The following GSG1L variants were observed in gnomAD, a reference collection of about 807,000 sequenced individuals.
GSG1L encodes the protein germ cell-specific gene 1-like protein.
Under a neutral mutation model 42.1 loss-of-function variants are expected in GSG1L, and 24 were observed. The ratio of observed to expected loss-of-function variants is 0.57; its 90% CI spans 0.41 to 0.80. GSG1L has a LOEUF of 0.80. GSG1L is among the 30% of genes least tolerant of loss of function. The pLI, the probability that GSG1L is intolerant of heterozygous loss-of-function variation, is 0.00. For missense variants in GSG1L, 445 were observed against 472.2 expected, an observed-to-expected ratio of 0.94 and a Z score of 0.53; for synonymous variants, 215 against 203.5, an observed-to-expected ratio of 1.06 and a Z score of -0.48.
Position 28,040,848 on chromosome 16 carries a change from C to T in GSG1L, c.349+22228G>A, listed in dbSNP as rs933449833. Among the ~76,000 whole-genome samples, 3 of 152,214 alleles carry T rather than the reference C, an allele frequency of 2.0e-5. No homozygotes were observed. The highest frequency in any genetic ancestry group is 4.4e-5 in the Non-Finnish European group (3 of 68,032). On this transcript the variant is annotated intron_variant, in intron 1 of 6. Transcript: ENST00000447459. The surrounding 1 kb of genome is among the most constrained non-coding windows in gnomAD (Gnocchi z 4.1). ...TTCAGCCAGACACTCCTTTTCCATCCAGTATCCCCATCCCAGACCATCTCT... is the reference window on the plus strand; with the variant it reads ...TTCAGCCAGACACTCCTTTTCCATCTAGTATCCCCATCCCAGACCATCTCT...
intron 1 of GSG1L, among the ~76,000 whole-genome samples, chr16:28,037,177 C>T (rs1300294234): frequency 7.9e-5 from 12 of 152,162 alleles, no homozygotes; most frequent in Non-Finnish European, 1.8e-4. Context: ...AGGCATGTGC[C>T]GCCATGCCTG....
intron 1 of GSG1L, among the ~76,000 whole-genome samples, chr16:28,014,422 T>G (rs1052332559): frequency 7.2e-5 from 11 of 152,146 alleles, no homozygotes; most frequent in African/African-American, 2.7e-4. Context: ...AGGTATGCGG[T>G]TGATAATAGA....
chr16:27,994,420 T>G (rs1392267973), intron 1 of GSG1L, among the ~76,000 whole-genome samples: 2 of 152,222 alleles, frequency 1.3e-5, no homozygotes, highest in African/African-American at 4.8e-5. Flanking sequence ...AACGTCAGTT[T>G]TCTGCAAGCC....
chr16:27,983,571 T>G, intron 1 of GSG1L, among the ~76,000 whole-genome samples: 1 of 152,176 alleles, frequency 6.6e-6, no homozygotes, highest in East Asian at 1.9e-4. Flanking sequence ...ATGTTTGGTT[T>G]GGTTTAAAGC....
intron 1 of GSG1L, among the ~76,000 whole-genome samples, chr16:28,038,682 G>A (rs1007262378): frequency 1.3e-5 from 2 of 152,210 alleles, no homozygotes; most frequent in African/African-American, 2.4e-5. Flanking sequence ...GCGATACCCA[G>A]AGAGAGCAGA....
intron 1 of GSG1L, among the ~76,000 whole-genome samples, chr16:28,048,358 G>C (rs1401246015): frequency 6.6e-6 from 1 of 152,060 alleles, no homozygotes; most frequent in Non-Finnish European, 1.5e-5. Flanking sequence ...GGCAGAAATT[G>C]CATAGGCTAC....
chr16:27,974,379 G>T (rs552778971), intron 1 of GSG1L, among the ~76,000 whole-genome samples: 1 of 152,308 alleles, frequency 6.6e-6, no homozygotes, highest in East Asian at 1.9e-4. Flanking sequence ...CACCAGCTGT[G>T]GGGAGAGGAA....
intron 1 of GSG1L, among the ~76,000 whole-genome samples, chr16:27,975,558 G>A (rs941356686): frequency 2.6e-5 from 4 of 152,130 alleles, no homozygotes; most frequent in African/African-American, 4.8e-5. Flanking sequence ...CTCTGCTTTC[G>A]GATCTATTTA....
chr16:27,893,937 G>T (rs2084159964), intron 2 of GSG1L, among the ~76,000 whole-genome samples: 2 of 152,228 alleles, frequency 1.3e-5, no homozygotes, highest in African/African-American at 4.8e-5. Flanking sequence ...ATTTTTTCTA[G>T]AGACAAGGTC....
At chr16:27,845,274 T>G (rs1010662516) in intron 3 of GSG1L, among the ~76,000 whole-genome samples, 2 of 152,198 alleles carry the variant, frequency 1.3e-5, no homozygotes, top group African/African-American at 2.4e-5. Flanking sequence ...TAAGACAGGG[T>G]CTTGCTCTGT....
chr16:27,869,752 CTT>C (rs2083786133), intron 3 of GSG1L, among the ~76,000 whole-genome samples: 1 of 101,188 alleles, frequency 9.9e-6, no homozygotes, highest in Non-Finnish European at 2.0e-5. Flanking sequence ...TCTCTCTCTC[CTT>C]CTCTGTCTCT....
intron 4 of GSG1L, among the ~76,000 whole-genome samples, chr16:27,836,890 G>T (rs1372042140): frequency 2.0e-5 from 3 of 152,108 alleles, no homozygotes; most frequent in Non-Finnish European, 4.4e-5. Context: ...GATTTTAATT[G>T]CAACCTTGAC....
At chr16:27,868,553 C>A (rs1331229107) in intron 3 of GSG1L, among the ~76,000 whole-genome samples, 1 of 151,882 alleles carries the variant, frequency 6.6e-6, no homozygotes, top group African/African-American at 2.4e-5. Context: ...AAACTGGCAC[C>A]CCATGGGCTG....
chr16:27,828,636 C>T (rs571707118), intron 5 of GSG1L, among the ~76,000 whole-genome samples, 153 bp downstream of exon 5: 1 of 152,206 alleles, frequency 6.6e-6, no homozygotes, highest in African/African-American at 2.4e-5. Flanking sequence ...GACATAGTGG[C>T]GTCCAAACTC....
At chr16:27,941,597 C>T (rs982905399) in intron 2 of GSG1L, among the ~76,000 whole-genome samples, 5 of 143,978 alleles carry the variant, frequency 3.5e-5, no homozygotes, top group Non-Finnish European at 3.0e-5. Flanking sequence ...ACTTGAACCC[C>T]GGGAGGCAGA....
chr16:27,797,471 C>T (rs1207717344), intron 6 of GSG1L, among the ~76,000 whole-genome samples: 2 of 145,164 alleles, frequency 1.4e-5, no homozygotes, highest in South Asian at 2.1e-4. Flanking sequence ...TGCAGTGAGC[C>T]GAGATTGCAC....
chr16:27,976,183 G>A (rs1039067649), intron 1 of GSG1L, among the ~76,000 whole-genome samples: 1 of 152,176 alleles, frequency 6.6e-6, no homozygotes, highest in Non-Finnish European at 1.5e-5. Flanking sequence ...GCTGAGGCAG[G>A]AGAATCGCTT....
At chr16:27,893,565 C>T (rs705920) in intron 2 of GSG1L, among the ~76,000 whole-genome samples, 83,008 of 151,990 alleles carry the variant, frequency 0.55, 23,835 homozygotes, top group Non-Finnish European at 0.64. Flanking sequence ...TTATTCACAA[C>T]TATAATAATT....
In GSG1L at chr16:27,945,289, C is replaced by A. The variant is rs184938636; in HGVS notation, c.397+17867G>T. On this transcript the variant is annotated intron_variant, in intron 2 of 6. Coordinates refer to ENST00000447459, the MANE Select transcript of GSG1L (RefSeq NM_001109763.2). Reference sequence around the variant, plus strand: ...AATTGAATGGAAGTGAATTACATCTCAAAAAAGCTGCTATCAGAAATTTCT... The same window carrying A: ...AATTGAATGGAAGTGAATTACATCTAAAAAAAGCTGCTATCAGAAATTTCT... 3.9e-5 allele frequency among the ~76,000 whole-genome samples: 6 copies of A among 152,154 alleles called. No homozygotes were observed. In the East Asian group the frequency reaches 1.2e-3, roughly 29 times the overall value.
Sources: allele counts gnomAD v4.1 joint callset (sites outside exome capture counted in the v4.1 genomes callset), GRCh38; gene constraint gnomAD v4.1.1; non-coding constraint Gnocchi (gnomAD v3.1); transcripts MANE v1.5; gene names NCBI Gene and HGNC (gene_info 2026-07-23, HGNC 2026-07-21).